The following CABLES1 variants were observed in gnomAD, a reference collection of about 807,000 sequenced individuals.
The protein encoded by CABLES1 is Cdk5 and Abl enzyme substrate 1.
In CABLES1, 36 loss-of-function variants were observed where a neutral mutation model predicts 57.8. The observed-to-expected ratio is 0.62, with a 90% CI of 0.48 to 0.82. CABLES1 has a LOEUF of 0.82. Ranked by LOEUF, CABLES1 falls within the 40% of genes least tolerant of loss-of-function variation. CABLES1 has a pLI of 0.00. For missense variants in CABLES1, 767 were observed against 836.6 expected (o/e 0.92, Z 1.03); for synonymous variants, 374 against 363.0 (o/e 1.03, Z -0.35).
intron 4 of CABLES1, among the ~76,000 whole-genome samples, chr18:23,222,937 G>T (rs2047500014): frequency 6.6e-6 from 1 of 152,200 alleles, no homozygotes; most frequent in Non-Finnish European, 1.5e-5. Flanking sequence ...CCCCAGCGAG[G>T]CCCCTCCCAC....
chr18:23,191,242 A>AAAGG (rs2047240916), intron 2 of CABLES1, among the ~76,000 whole-genome samples: 1 of 152,196 alleles, frequency 6.6e-6, no homozygotes, highest in Non-Finnish European at 1.5e-5. Flanking sequence ...TTAAAAAAGA[A>AAAGG]AACTTAAAAA....
At chr18:23,147,769 A>C (rs1456349077) in intron 1 of CABLES1, among the ~76,000 whole-genome samples, 1 of 152,136 alleles carries the variant, frequency 6.6e-6, no homozygotes. Context: ...CTTTAGAGCA[A>C]TGAGGCTGTG....
chr18:23,210,751 C>T (rs1276725216), intron 3 of CABLES1, among the ~76,000 whole-genome samples: 1 of 152,158 alleles, frequency 6.6e-6, no homozygotes, highest in Admixed American at 6.5e-5. Context: ...CTTCAGGAAA[C>T]ACGTATGATG....
At chr18:23,244,458 C>T (rs778383466) in intron 7 of CABLES1, among the ~76,000 whole-genome samples, 1 of 152,198 alleles carries the variant, frequency 6.6e-6, no homozygotes, top group African/African-American at 2.4e-5. Flanking sequence ...GTAGGCTACC[C>T]GTTTATTTCC....
chr18:23,185,330 T>A (rs2145010763), intron 1 of CABLES1, among the ~76,000 whole-genome samples: 1 of 152,228 alleles, frequency 6.6e-6, no homozygotes, highest in South Asian at 2.1e-4. Context: ...GCTGGAGTGT[T>A]CTCCACACCA....
At chr18:23,147,553 C>G (rs556159162) in intron 1 of CABLES1, among the ~76,000 whole-genome samples, 1 of 152,364 alleles carries the variant, frequency 6.6e-6, no homozygotes, top group East Asian at 1.9e-4. Flanking sequence ...TTGACAAGGT[C>G]TGCTCTGATC....
intron 1 of CABLES1, among the ~76,000 whole-genome samples, chr18:23,150,406 T>A (rs747031269): frequency 2.0e-5 from 3 of 151,876 alleles, no homozygotes; most frequent in African/African-American, 7.3e-5. Context: ...TTAGTAGAGA[T>A]GGGGTTTCAC....
chr18:23,161,017 T>A (rs1200671568), intron 1 of CABLES1, among the ~76,000 whole-genome samples: 1 of 149,680 alleles, frequency 6.7e-6, no homozygotes, highest in Non-Finnish European at 1.5e-5. Flanking sequence ...TGGGTGACAC[T>A]GACACAGTGA....
At chr18:23,172,998 T>TA (rs2047093930) in intron 1 of CABLES1, among the ~76,000 whole-genome samples, 1 of 152,206 alleles carries the variant, frequency 6.6e-6, no homozygotes, top group African/African-American at 2.4e-5. Context: ...AAGGATGTCT[T>TA]ACGCCAAAGG....
rs899862608 is a variant in CABLES1 at position 23,139,426 on chromosome 18, T to A, written c.845+2819T>A. ...CTCAAAAAAAAAAAAAAAAAAAAAT[T>A]AGAATGTCTCCCAATCTGCAATCTT... On this transcript the variant is annotated intron_variant, in intron 1 of 9. Coordinates refer to ENST00000256925, the MANE Select transcript of CABLES1 (RefSeq NM_001100619.3). 6.9e-4 allele frequency among the ~76,000 whole-genome samples: 85 copies of A among 123,840 alleles called. 1 individual carries two copies. Among genetic ancestry groups the A allele is most frequent in the African/African-American group, 2.4e-3 (73 of 30,120 alleles). 81.2% of individuals were successfully genotyped at this position (123,840 alleles called of 152,430 possible). A position where few individuals can be genotyped will look rare whatever the true frequency, so the allele number is the denominator to read the frequency against.
chr18:23,247,489 C>T (rs781219282), intron 7 of CABLES1, among the ~76,000 whole-genome samples: 4 of 152,220 alleles, frequency 2.6e-5, no homozygotes, highest in Non-Finnish European at 4.4e-5. Context: ...TTGGGGGTTG[C>T]CTGGTCCGCT....
intron 3 of CABLES1, among the ~76,000 whole-genome samples, chr18:23,209,095 G>A (rs2047385247): frequency 6.6e-6 from 1 of 152,136 alleles, no homozygotes; most frequent in Admixed American, 6.5e-5. Flanking sequence ...ATATTAGATG[G>A]AAAATTCCAC....
chr18:23,159,173 C>T (rs1249790379), intron 1 of CABLES1, among the ~76,000 whole-genome samples: 1 of 152,240 alleles, frequency 6.6e-6, no homozygotes, highest in African/African-American at 2.4e-5. Flanking sequence ...CCATGTTGGC[C>T]AGGCTGCTCT....
In CABLES1 at chr18:23,151,988, G is replaced by A. The variant is rs58470024; in HGVS notation, c.845+15381G>A. Among the ~76,000 whole-genome samples the A allele has an allele frequency of 5.7e-3, 866 of 152,294 alleles. 33 individuals are homozygous for A. In the East Asian group the frequency reaches 0.094, roughly 17 times the overall value. On this transcript the variant is annotated intron_variant, in intron 1 of 9. Coordinates refer to ENST00000256925, the MANE Select transcript of CABLES1 (RefSeq NM_001100619.3). ...GGCACAATGGAGATGGATTAGATACGGAGCAGGGGGAGTGGAAGGCATTGA... is the reference window on the plus strand; with the variant it reads ...GGCACAATGGAGATGGATTAGATACAGAGCAGGGGGAGTGGAAGGCATTGA...
intron 1 of CABLES1, among the ~76,000 whole-genome samples, chr18:23,185,295 C>T (rs1472907801): frequency 6.6e-6 from 1 of 152,140 alleles, no homozygotes; most frequent in Non-Finnish European, 1.5e-5. Flanking sequence ...CCTAGCAGGG[C>T]CTTCTGTGCT....
intron 7 of CABLES1, among the ~76,000 whole-genome samples, chr18:23,238,319 G>A (rs1480913585): frequency 1.3e-5 from 2 of 152,260 alleles, no homozygotes; most frequent in East Asian, 3.8e-4. Context: ...GGCCTTGCCA[G>A]TTACTTTCAG....
chr18:23,169,233 T>C (rs2047065581), intron 1 of CABLES1, among the ~76,000 whole-genome samples: 1 of 152,130 alleles, frequency 6.6e-6, no homozygotes, highest in Admixed American at 6.5e-5. Context: ...CATCAAGAAA[T>C]AACCATAAAA....
chr18:23,221,798 A>C (rs1386449595), intron 4 of CABLES1, among the ~76,000 whole-genome samples: 1 of 152,150 alleles, frequency 6.6e-6, no homozygotes, highest in Non-Finnish European at 1.5e-5. Flanking sequence ...ATCATGAGCT[A>C]GTCTATGGTC....
chr18:23,191,233 TAAAAAA>T (rs1403048075), intron 2 of CABLES1, among the ~76,000 whole-genome samples: 3 of 152,052 alleles, frequency 2.0e-5, no homozygotes, highest in African/African-American at 7.2e-5. Context: ...TGGAGTTTCT[TAAAAAA>T]GAAAACTTAA....
Sources: allele counts gnomAD v4.1 joint callset (sites outside exome capture counted in the v4.1 genomes callset), GRCh38; gene constraint gnomAD v4.1.1; transcripts MANE v1.5; gene names NCBI Gene and HGNC (gene_info 2026-07-23, HGNC 2026-07-21).